Variants in MVB12B observed in about 807,000 individuals in gnomAD.
The protein encoded by MVB12B is multivesicular body subunit 12B.
In MVB12B, 16 loss-of-function variants were observed where a neutral mutation model predicts 41.6. The observed-to-expected ratio is 0.38, with a 90% CI of 0.26 to 0.58. MVB12B has a LOEUF of 0.58. MVB12B is among the 20% of genes least tolerant of loss of function. MVB12B has a pLI of 0.62. For missense variants in MVB12B, 274 were observed against 380.2 expected, an observed-to-expected ratio of 0.72 and a Z score of 2.32; for synonymous variants, 133 against 139.7, an observed-to-expected ratio of 0.95 and a Z score of 0.34.
At chr9:126,461,958 A>T (rs1747643561) in intron 7 of MVB12B, among the ~76,000 whole-genome samples, 1 of 152,272 alleles carries the variant, frequency 6.6e-6, no homozygotes, top group South Asian at 2.1e-4. Flanking sequence ...GTTACCATTA[A>T]TAAAGCAATG....
intron 6 of MVB12B, among the ~76,000 whole-genome samples, chr9:126,411,534 G>C (rs1389598177): frequency 6.6e-6 from 1 of 152,114 alleles, no homozygotes; most frequent in Non-Finnish European, 1.5e-5. Flanking sequence ...TTAAGTTTTA[G>C]GTCTGGGCAT....
At chr9:126,412,643 T>C (rs1267073720) in intron 6 of MVB12B, among the ~76,000 whole-genome samples, 1 of 152,178 alleles carries the variant, frequency 6.6e-6, no homozygotes, top group African/African-American at 2.4e-5. Context: ...ACTTAAAACA[T>C]ATGGAAGAGC....
chr9:126,466,952 C>T (rs1336888855), intron 7 of MVB12B, among the ~76,000 whole-genome samples: 13 of 152,040 alleles, frequency 8.6e-5, no homozygotes, highest in East Asian at 1.9e-4. Context: ...TTCAGCCTCC[C>T]GAGTAGCTGG....
intron 6 of MVB12B, among the ~76,000 whole-genome samples, chr9:126,407,039 A>G (rs1057028693): frequency 2.6e-5 from 4 of 152,228 alleles, no homozygotes; most frequent in African/African-American, 9.6e-5. Flanking sequence ...TTGAAATTCA[A>G]CACAAGTGTA....
At chr9:126,369,446 A>G (rs1194185566) in intron 2 of MVB12B, among the ~76,000 whole-genome samples, 2 of 152,160 alleles carry the variant, frequency 1.3e-5, no homozygotes, top group Non-Finnish European at 2.9e-5. Flanking sequence ...TTTCTGTCAG[A>G]TTTCTTTTTT....
In MVB12B at chr9:126,376,180, A is replaced by G. The variant is rs143207146; in HGVS notation, c.205-4884A>G. Among the ~76,000 whole-genome samples the G allele has an allele frequency of 1.3e-5, 2 of 152,248 alleles. No individual in the cohort carries two copies. Among genetic ancestry groups the G allele is most frequent in the African/African-American group, 4.8e-5 (2 of 41,548 alleles). ...CTCAGCTTTCTCTTCCAGTGTTTAC[A>G]GTTTCTAATCTCTTTATATTGTCCT... On this transcript the variant is annotated intron_variant, in intron 2 of 9. Coordinates refer to ENST00000361171, the MANE Select transcript of MVB12B (RefSeq NM_033446.3). This position sits in a 1 kb window ranked among gnomAD's most constrained non-coding sequence, Gnocchi z 4.1.
chr9:126,414,044 T>C (rs984603218), intron 6 of MVB12B, among the ~76,000 whole-genome samples: 1 of 152,182 alleles, frequency 6.6e-6, no homozygotes, highest in Admixed American at 6.5e-5. Context: ...ATTTTAAAAA[T>C]TCACACAGAC....
chr9:126,453,096 G>A (rs192293684), intron 7 of MVB12B, among the ~76,000 whole-genome samples: 1 of 152,112 alleles, frequency 6.6e-6, no homozygotes, highest in African/African-American at 2.4e-5. Context: ...CGGGATTGTG[G>A]TAAAGACTAA....
At position 126,340,494 on chromosome 9, in the gene MVB12B, C is replaced by G. The variant is rs1829414924; in HGVS notation, c.82-14C>G. The G allele has an allele frequency of 6.2e-7, 1 of 1,611,144 alleles. No homozygotes were observed. Among genetic ancestry groups the G allele is most frequent in the Non-Finnish European group, 8.5e-7 (1 of 1,178,782 alleles). ...GTTTGAATTTTGTGTTTTCTTTTTC[C>G]TTTGCTGAACCAGGACCAGTCCACC... On this transcript the variant is annotated splice_polypyrimidine_tract_variant and intron_variant, in intron 1 of 9. Coordinates refer to ENST00000361171, the MANE Select transcript of MVB12B (RefSeq NM_033446.3). The surrounding 1 kb of genome is among the most constrained non-coding windows in gnomAD (Gnocchi z 4.0).
Position 126,391,982 on chromosome 9 carries a change from G to T in MVB12B, c.410-84G>T. ...CTGCCACTTCTGCTGCCAGGAATAGGGCGTGACAGGGGATGTGGTTTTCAG... is the reference window on the plus strand; with the variant it reads ...CTGCCACTTCTGCTGCCAGGAATAGTGCGTGACAGGGGATGTGGTTTTCAG... On this transcript the variant is annotated intron_variant, in intron 4 of 9. Transcript: ENST00000361171. The surrounding 1 kb of genome is among the most constrained non-coding windows in gnomAD (Gnocchi z 4.4). 6.6e-7 allele frequency: 1 copy of T among 1,505,364 alleles called. No individual in the cohort carries two copies. The highest frequency in any genetic ancestry group is 1.7e-4 in the Middle Eastern group (1 of 5,726). 93.3% of individuals were successfully genotyped at this position (1,505,364 alleles called of 1,614,324 possible).
chr9:126,494,795 A>T (rs1439316425), intron 9 of MVB12B, among the ~76,000 whole-genome samples: 1 of 152,194 alleles, frequency 6.6e-6, no homozygotes, highest in Non-Finnish European at 1.5e-5. Context: ...AAGAGGAGAA[A>T]TACAAAGACT....
At chr9:126,450,705 C>T (rs1369590856) in intron 7 of MVB12B, among the ~76,000 whole-genome samples, 1 of 152,144 alleles carries the variant, frequency 6.6e-6, no homozygotes, top group Admixed American at 6.5e-5. Flanking sequence ...AAAGAGGTGT[C>T]GATATAATTA....
chr9:126,462,122 G>T (rs930810423), intron 7 of MVB12B, among the ~76,000 whole-genome samples: 2 of 152,222 alleles, frequency 1.3e-5, no homozygotes, highest in African/African-American at 4.8e-5. Context: ...TCATTAATGT[G>T]TCATGACAAA....
chr9:126,496,184 TCCACCCAC>T lies in MVB12B; in HGVS notation c.874-6983_874-6976del, dbSNP rs1211949485. On this transcript the variant is annotated intron_variant, in intron 9 of 9. Transcript: ENST00000361171. ...TGTCTCTTCACTCACCATCGACTTG[TCCACCCAC>T]CCACCCACCTACCCACCCGTCCATC... is the stretch of plus-strand genomic sequence containing the variant. Among the ~76,000 whole-genome samples, 17 of 139,202 alleles carry T rather than the reference TCCACCCAC, an allele frequency of 1.2e-4. No individual in the cohort carries two copies. In the East Asian group the frequency reaches 2.8e-3, roughly 23 times the overall value. 91.3% of individuals were successfully genotyped at this position (139,202 alleles called of 152,430 possible).
chr9:126,471,302 G>A (rs1833310603), intron 7 of MVB12B, among the ~76,000 whole-genome samples: 1 of 152,194 alleles, frequency 6.6e-6, no homozygotes, highest in African/African-American at 2.4e-5. Context: ...GAGGTTAAGT[G>A]ACTTGCCCAA....
rs1354722629 is a variant in MVB12B at position 126,503,292 on chromosome 9, A to G, written c.*29A>G. 2 of 1,530,956 alleles carry G rather than the reference A, an allele frequency of 1.3e-6. No homozygotes were observed. The highest frequency in any genetic ancestry group is 2.5e-5 in the East Asian group (1 of 40,750). The allele number at this position is 1,530,956 out of a possible 1,614,324, so 94.8% of individuals were successfully genotyped here. A position where few individuals can be genotyped will look rare whatever the true frequency, so the allele number is the denominator to read the frequency against. On this transcript the variant is annotated 3_prime_UTR_variant, in exon 10 of 10. Coordinates refer to ENST00000361171, the MANE Select transcript of MVB12B (RefSeq NM_033446.3). ...GCCAGCGGCCACCTGCGGGGAGACC[A>G]CCGCCGCCCAGACTACTGACGGCAG...
In MVB12B at chr9:126,326,909, C is replaced by T. The variant is rs1828984626; in HGVS notation, c.-21C>T. 3 of 241,028 alleles carry T rather than the reference C, an allele frequency of 1.2e-5. No individual in the cohort carries two copies. Among genetic ancestry groups the T allele is most frequent in the South Asian group, 1.1e-4 (3 of 27,352 alleles). 14.9% of individuals were successfully genotyped at this position (241,028 alleles called of 1,614,324 possible). On this transcript the variant is annotated 5_prime_UTR_variant, in exon 1 of 10. Transcript: ENST00000361171. The stretch of plus-strand genomic sequence containing the variant: ...CTGCCGCCTGGGCCCCGGGCCCGGC[C>T]CCTCCCGCGCCGCCCGGGCGATGAG...
At chr9:126,381,974 A>AT (rs1830649918) in intron 3 of MVB12B, among the ~76,000 whole-genome samples, 2 of 151,342 alleles carry the variant, frequency 1.3e-5, no homozygotes, top group East Asian at 3.9e-4. Context: ...TGGGATTTTC[A>AT]TTTTCAGGGC....
At chr9:126,439,142 G>C (rs1190024979) in intron 7 of MVB12B, among the ~76,000 whole-genome samples, 1 of 152,074 alleles carries the variant, frequency 6.6e-6, no homozygotes. Flanking sequence ...TCATACAGGG[G>C]GCCCTGGAGT....
Sources: allele counts gnomAD v4.1 joint callset (sites outside exome capture counted in the v4.1 genomes callset), GRCh38; gene constraint gnomAD v4.1.1; non-coding constraint Gnocchi (gnomAD v3.1); transcripts MANE v1.5; gene names NCBI Gene and HGNC (gene_info 2026-07-23, HGNC 2026-07-21).